The following RTL4 variants were observed in gnomAD, a reference collection of about 807,000 sequenced individuals.
RTL4 encodes the protein retrotransposon Gag like 4, also known as retrotransposon Gag-like protein 4.
RTL4 carries 4 observed loss-of-function variants against 5.3 expected under a neutral mutation model. That is an observed-to-expected ratio of 0.75 (90% confidence interval 0.37 to 1.72). The LOEUF (loss-of-function observed/expected upper bound fraction) is 1.72. Among genes scored for constraint, RTL4 ranks in the 40% most tolerant of loss-of-function variants. The pLI is 0.04. For missense variants in RTL4, 260 were observed against 227.1 expected (o/e 1.14, Z -0.93); for synonymous variants, 98 against 87.3 (o/e 1.12, Z -0.68).
chrX:112,155,440 A>C, the RTL4 span, among the ~76,000 whole-genome samples: 4 of 111,517 alleles, frequency 3.6e-5, no homozygotes, highest in Non-Finnish European at 1.9e-5. Context: ...AGGTAAAATA[A>C]AGATAAGCCC....
chrX:112,293,650 A>T, the RTL4 span, among the ~76,000 whole-genome samples: 1 of 111,993 alleles, frequency 8.9e-6, no homozygotes, highest in Non-Finnish European at 1.9e-5. Context: ...TCTGGCACTA[A>T]GAGAAATCAA....
the RTL4 span, among the ~76,000 whole-genome samples, chrX:112,296,776 AT>A: frequency 0.23 from 22,278 of 96,740 alleles, 2,187 homozygotes; most frequent in Admixed American, 0.32. Flanking sequence ...CGCCCAGCTA[AT>A]TTTTTTTTTT....
At chrX:112,152,713 G>A in the RTL4 span, among the ~76,000 whole-genome samples, 1 of 112,056 alleles carries the variant, frequency 8.9e-6, no homozygotes, top group Non-Finnish European at 1.9e-5. Flanking sequence ...TTTCCCAACA[G>A]GTTTATACTA....
chrX:112,134,037 T>C, the RTL4 span, among the ~76,000 whole-genome samples: 72 of 112,490 alleles, frequency 6.4e-4, no homozygotes, highest in Non-Finnish European at 1.2e-3. Flanking sequence ...TAGTGAAAAA[T>C]TAGTCGCATA....
At chrX:112,282,919 G>C in the RTL4 span, among the ~76,000 whole-genome samples, 1 of 111,419 alleles carries the variant, frequency 9.0e-6, no homozygotes, top group African/African-American at 3.3e-5. Context: ...TATTATAGTA[G>C]GTGTATGTGA....
the RTL4 span, among the ~76,000 whole-genome samples, chrX:112,112,452 C>T: frequency 1.3e-4 from 15 of 111,674 alleles, no homozygotes; most frequent in East Asian, 5.6e-4. Context: ...AAGGAACCCC[C>T]GCAACTGTTT....
the RTL4 span, among the ~76,000 whole-genome samples, chrX:112,091,364 G>A: frequency 9.0e-6 from 1 of 111,339 alleles, no homozygotes; most frequent in Non-Finnish European, 1.9e-5. Flanking sequence ...TCTTTTTAAT[G>A]TATGCATGTA....
the RTL4 span, among the ~76,000 whole-genome samples, chrX:112,161,418 C>T: frequency 8.9e-6 from 1 of 111,815 alleles, no homozygotes; most frequent in East Asian, 2.8e-4. Context: ...TAACATGTTA[C>T]CATAAAGGAT....
At chrX:112,241,483 A>ATATC in the RTL4 span, among the ~76,000 whole-genome samples, 5 of 112,177 alleles carry the variant, frequency 4.5e-5, no homozygotes, top group African/African-American at 1.3e-4. Flanking sequence ...TTGGCTGCAT[A>ATATC]TATCTCTTCT....
chrX:112,390,607 GT>G, the RTL4 span, among the ~76,000 whole-genome samples: 1 of 110,579 alleles, frequency 9.0e-6, no homozygotes, highest in Non-Finnish European at 1.9e-5. Flanking sequence ...TTTTAAGAAT[GT>G]TGAATATATG....
the RTL4 span, among the ~76,000 whole-genome samples, chrX:112,192,473 T>C: frequency 9.0e-6 from 1 of 111,649 alleles, no homozygotes; most frequent in African/African-American, 3.2e-5. Context: ...CACTGCCTTT[T>C]TTGTGTTAAG....
the RTL4 span, among the ~76,000 whole-genome samples, chrX:112,169,258 G>A: frequency 9.2e-6 from 1 of 108,748 alleles, no homozygotes; most frequent in African/African-American, 3.4e-5. Context: ...GAGATTACAG[G>A]CATGTGCCAC....
chrX:112,311,050 T>C, the RTL4 span, among the ~76,000 whole-genome samples: 22 of 107,246 alleles, frequency 2.1e-4, no homozygotes, highest in African/African-American at 7.4e-4. Flanking sequence ...GAAGCACTAC[T>C]AGGCCTGTGT....
the RTL4 span, among the ~76,000 whole-genome samples, chrX:112,226,327 G>A: frequency 8.9e-6 from 1 of 111,998 alleles, no homozygotes; most frequent in East Asian, 2.8e-4. Flanking sequence ...GCTACAACCT[G>A]CTTTATGAAG....
At chrX:112,455,003 A>T in exon 1 of RTL4, 1 of 1,211,758 alleles carries the variant, frequency 8.3e-7, no homozygotes, top group Non-Finnish European at 1.1e-6. Context: ...AATCCTGCAA[A>T]TGATGCCCAG....
the RTL4 span, among the ~76,000 whole-genome samples, chrX:112,192,868 T>C: frequency 8.9e-6 from 1 of 112,224 alleles, no homozygotes; most frequent in Non-Finnish European, 1.9e-5. Flanking sequence ...TCATGTGGAC[T>C]CAAGTTACTG....
chrX:112,277,362 T>A, the RTL4 span, among the ~76,000 whole-genome samples: 2 of 111,743 alleles, frequency 1.8e-5, no homozygotes, highest in African/African-American at 3.3e-5. Flanking sequence ...CTTGGAGAGT[T>A]CATCAAACCT....
At chrX:112,335,963 C>T in the RTL4 span, among the ~76,000 whole-genome samples, 1 of 110,315 alleles carries the variant, frequency 9.1e-6, no homozygotes, top group Non-Finnish European at 1.9e-5. Flanking sequence ...CTGCCTCAGC[C>T]TCCCGAGTAG....
chrX:112,419,073 T>C, the RTL4 span, among the ~76,000 whole-genome samples: 4 of 99,346 alleles, frequency 4.0e-5, no homozygotes, highest in African/African-American at 1.5e-4. Flanking sequence ...ATATATCTGG[T>C]GGTATTGGTG....
Sources: allele counts gnomAD v4.1 joint callset (sites outside exome capture counted in the v4.1 genomes callset), GRCh38; gene constraint gnomAD v4.1.1; transcripts MANE v1.5; gene names NCBI Gene and HGNC (gene_info 2026-07-23, HGNC 2026-07-21).